SPSB4: variants seen among roughly 807,000 people sequenced by gnomAD.
The protein encoded by SPSB4 is splA/ryanodine receptor domain and SOCS box containing 4, also known as SPRY domain-containing SOCS box protein 4.
Under a neutral mutation model 20.9 loss-of-function variants are expected in SPSB4, and 21 were observed. The observed-to-expected ratio is 1.01, with a 90% CI of 0.71 to 1.45. The LOEUF is 1.45. SPSB4 is among the 40% of genes most tolerant of loss of function. SPSB4 has a pLI of 0.00. For missense variants in SPSB4, 399 were observed against 399.2 expected, an observed-to-expected ratio of 1.00 and a Z score of 0.00; for synonymous variants, 207 against 183.8, an observed-to-expected ratio of 1.13 and a Z score of -1.02.
intron 2 of SPSB4, among the ~76,000 whole-genome samples, chr3:141,103,852 AT>A (rs1938649504): frequency 6.6e-6 from 1 of 151,062 alleles, no homozygotes; most frequent in African/African-American, 2.4e-5. Context: ...TTTCCTTCTA[AT>A]TCTGAATCCT....
intron 2 of SPSB4, among the ~76,000 whole-genome samples, chr3:141,067,990 C>G (rs376134190): frequency 7.5e-4 from 115 of 152,324 alleles, no homozygotes; most frequent in African/African-American, 2.6e-3. Context: ...TCTGATGGCC[C>G]TGAAGTCCAC....
At chr3:141,056,895 G>T (rs1210153378) in intron 1 of SPSB4, among the ~76,000 whole-genome samples, 2 of 152,250 alleles carry the variant, frequency 1.3e-5, no homozygotes, top group African/African-American at 4.8e-5. Context: ...ACCTTGCAGA[G>T]CTTGCTGCCC....
chr3:141,051,640 T>A lies in SPSB4; in HGVS notation c.-506T>A, dbSNP rs999611830. Reference sequence around the variant, plus strand: ...CCGTGCGCCCTGAGCGCGGGACTCGTCGCCCTCCGGGTCAGGCGCCAAGCT... The same window carrying A: ...CCGTGCGCCCTGAGCGCGGGACTCGACGCCCTCCGGGTCAGGCGCCAAGCT... On this transcript the variant is annotated 5_prime_UTR_variant, in exon 1 of 3. Coordinates refer to ENST00000310546, the MANE Select transcript of SPSB4 (RefSeq NM_080862.3). 6.6e-6 allele frequency: 1 copy of A among 150,872 alleles called. No homozygotes were observed. The highest frequency in any genetic ancestry group is 2.4e-5 in the African/African-American group (1 of 41,136). 9.3% of individuals were successfully genotyped at this position (150,872 alleles called of 1,614,324 possible). A position where few individuals can be genotyped will look rare whatever the true frequency, so the allele number is the denominator to read the frequency against.
At chr3:141,067,163 A>G (rs906000907) in intron 2 of SPSB4, among the ~76,000 whole-genome samples, 2 of 152,246 alleles carry the variant, frequency 1.3e-5, no homozygotes, top group African/African-American at 4.8e-5. Flanking sequence ...CAGTCTGTAC[A>G]AAGGTTGTAC....
chr3:141,084,752 T>G, intron 2 of SPSB4, among the ~76,000 whole-genome samples: 1 of 152,248 alleles, frequency 6.6e-6, no homozygotes, highest in East Asian at 1.9e-4. Context: ...TCCAAGAAGC[T>G]TTTCTGCACT....
chr3:141,059,290 G>A (rs901730264), intron 1 of SPSB4, among the ~76,000 whole-genome samples: 8 of 152,078 alleles, frequency 5.3e-5, no homozygotes, highest in African/African-American at 9.7e-5. Flanking sequence ...TTTGTGTTAG[G>A]CCATTTTTGC....
chr3:141,143,737 G>T (rs1268551526), intron 2 of SPSB4, among the ~76,000 whole-genome samples: 5 of 152,208 alleles, frequency 3.3e-5, no homozygotes, highest in East Asian at 1.9e-4. Flanking sequence ...GTCCTGAGTT[G>T]GTTGGCCTCC....
Position 141,066,658 on chromosome 3 carries a change from A to T in SPSB4, c.554A>T (p.Glu185Val). ...CTGCTCGTGGTGCTGGACATGGATG[A>T]GGGCACACTCAGCTTCATCGTGGAT... ...DSLLVVLDMD[E>V]GTLSFIVDGQ... Residue 185 changes from glutamate (E) to valine (V), a missense_variant, in exon 2 of 3, where the codon GAG (glutamate) becomes GTG (valine). Physicochemically the swap from Glu to Val is moderately radical, Grantham distance 121. Transcript: ENST00000310546. 1 of 1,613,020 alleles carries T rather than the reference A, an allele frequency of 6.2e-7. No individual in the cohort carries two copies. Among genetic ancestry groups the T allele is most frequent in the Non-Finnish European group, 8.5e-7 (1 of 1,179,684 alleles).
At chr3:141,126,860 G>A (rs887324981) in intron 2 of SPSB4, among the ~76,000 whole-genome samples, 3 of 152,234 alleles carry the variant, frequency 2.0e-5, no homozygotes, top group Non-Finnish European at 2.9e-5. Context: ...TAAGAGGCTA[G>A]TGAAAGATTC....
intron 2 of SPSB4, among the ~76,000 whole-genome samples, chr3:141,120,764 G>A (rs1459815112): frequency 6.6e-6 from 1 of 151,966 alleles, no homozygotes; most frequent in African/African-American, 2.4e-5. Context: ...CATTTGCTTG[G>A]TAGATCTTCC....
At chr3:141,095,179 G>A (rs891440772) in intron 2 of SPSB4, among the ~76,000 whole-genome samples, 6 of 152,160 alleles carry the variant, frequency 3.9e-5, no homozygotes, top group Non-Finnish European at 8.8e-5. Flanking sequence ...AAAGGTGCCT[G>A]CGTCCTAGGT....
At chr3:141,092,388 C>G (rs558103573) in intron 2 of SPSB4, among the ~76,000 whole-genome samples, 1 of 152,362 alleles carries the variant, frequency 6.6e-6, no homozygotes, top group African/African-American at 2.4e-5. Context: ...CAAAGCCCTT[C>G]TCCTTCACTA....
chr3:141,145,867 GC>G (rs1939405836), intron 2 of SPSB4, among the ~76,000 whole-genome samples: 1 of 151,930 alleles, frequency 6.6e-6, no homozygotes, highest in African/African-American at 2.4e-5. Flanking sequence ...TGTTCTCTCT[GC>G]CTAGGATACC....
rs1351290049 is a variant in SPSB4 at position 141,066,337 on chromosome 3, A to G, written c.233A>G (p.His78Arg). 2 of 1,563,624 alleles carry G rather than the reference A, an allele frequency of 1.3e-6. No homozygotes were observed. The highest frequency in any genetic ancestry group is 1.9e-5 in the Admixed American group (1 of 52,962). The stretch of plus-strand genomic sequence containing the variant: ...GACGACCGGCTCACCTTCCACCGGC[A>G]CCCCGTGGCCCAGAGCACCGACGGC... The part of the protein sequence containing the change: ...KDDDRLTFHR[H>R]PVAQSTDGIR... Residue 78 changes from histidine (H) to arginine (R), a missense_variant, in exon 2 of 3, where the codon CAC becomes CGC. Transcript: ENST00000310546.
At chr3:141,100,874 T>C (rs1938603445) in intron 2 of SPSB4, among the ~76,000 whole-genome samples, 1 of 152,046 alleles carries the variant, frequency 6.6e-6, no homozygotes, top group African/African-American at 2.4e-5. Context: ...GGTACCCACA[T>C]TGTAGCCCTC....
At position 141,062,715 on chromosome 3, in the gene SPSB4, T is replaced by C. The variant is rs1937788654; in HGVS notation, c.-153-3237T>C. The stretch of plus-strand genomic sequence containing the variant: ...GATTTTGTGATCTATAATTTTGTGA[T>C]TAATTTCTAGTTTTCCTTCTGTGTT... On this transcript the variant is annotated intron_variant, in intron 1 of 2. Coordinates refer to ENST00000310546, the MANE Select transcript of SPSB4 (RefSeq NM_080862.3). Among the ~76,000 whole-genome samples the C allele has an allele frequency of 2.0e-5, 3 of 152,232 alleles. No homozygotes were observed. The South Asian group carries it at 6.2e-4, about 31-fold the overall frequency.
intron 2 of SPSB4, among the ~76,000 whole-genome samples, chr3:141,071,516 C>G (rs923283275): frequency 1.3e-5 from 2 of 152,040 alleles, no homozygotes; most frequent in African/African-American, 4.8e-5. Context: ...AGTCATGAGG[C>G]AATGTGGCTG....
At chr3:141,056,139 A>T (rs908266419) in intron 1 of SPSB4, among the ~76,000 whole-genome samples, 5 of 152,214 alleles carry the variant, frequency 3.3e-5, no homozygotes, top group African/African-American at 1.2e-4. Context: ...CTACACTTCA[A>T]TGTGCTGGTA....
chr3:141,066,308 GGAC>G lies in SPSB4; in HGVS notation c.211_213del (p.Asp71del). ...ACCGCTCGCTCAACGTCTTCGTCAA[GGAC>G]GACGACCGGCTCACCTTCCACCGGC... On this transcript the variant is annotated inframe_deletion, in exon 2 of 3. Transcript: ENST00000310546. The G allele has an allele frequency of 6.4e-7, 1 of 1,574,690 alleles. No homozygotes were observed. The highest frequency in any genetic ancestry group is 8.6e-7 in the Non-Finnish European group (1 of 1,162,016).
Sources: gnomAD v4.1 joint callset for allele counts (sites outside exome capture counted in the v4.1 genomes callset) on GRCh38, gnomAD v4.1.1 for gene constraint, MANE v1.5 for transcripts, NCBI Gene and HGNC (gene_info 2026-07-23, HGNC 2026-07-21) for gene names.